Variants in INSL6 observed in about 807,000 individuals in gnomAD.
INSL6 encodes insulin like 6.
INSL6 carries 16 observed loss-of-function variants against 9.4 expected under a neutral mutation model. The observed-to-expected ratio is 1.70, with a 90% confidence interval of 1.15 to 2.59. The LOEUF is 2.59. Ranked by LOEUF, INSL6 falls within the 30% of genes most tolerant of loss-of-function variation. INSL6 has a pLI of 0.00. For missense variants in INSL6, 391 were observed against 257.3 expected (o/e 1.52, Z -3.56); for synonymous variants, 154 against 96.9 (o/e 1.59, Z -3.46).
chr9:5,159,374 A>T (rs921890926), downstream of INSL6, among the ~76,000 whole-genome samples: 1 of 151,950 alleles, frequency 6.6e-6, no homozygotes. Flanking sequence ...TTTTTTTTAA[A>T]AAAAGGATCG....
the INSL6 span, chr9:5,054,933 G>A: frequency 9.0e-6 from 12 of 1,335,116 alleles, no homozygotes; most frequent in Non-Finnish European, 3.1e-6. The surrounding 1 kb of genome is among the most constrained non-coding windows in gnomAD (Gnocchi z 4.9). Flanking sequence ...AAGTACAATG[G>A]AAATAAAAAC....
chr9:5,153,405 G>A (rs984134867), intron 2 of INSL6, among the ~76,000 whole-genome samples: 6 of 152,292 alleles, frequency 3.9e-5, no homozygotes, highest in African/African-American at 7.2e-5. Context: ...TCACCCTCAC[G>A]GTGTAAACAA....
chr9:5,119,977 A>C (rs1301591374), downstream of INSL6, among the ~76,000 whole-genome samples: 1 of 152,190 alleles, frequency 6.6e-6, no homozygotes, highest in Non-Finnish European at 1.5e-5. Context: ...TTGAATAATA[A>C]ACACTGTCTT....
At chr9:5,126,831 G>C in intron 3 of INSL6, 8 of 1,279,386 alleles carry the variant, frequency 6.3e-6, no homozygotes, top group Non-Finnish European at 9.0e-6. Context: ...TAGATTTACA[G>C]AACAAAGTTT....
the INSL6 span, among the ~76,000 whole-genome samples, chr9:5,084,691 A>C: frequency 6.6e-6 from 1 of 152,086 alleles, no homozygotes; most frequent in Non-Finnish European, 1.5e-5. Flanking sequence ...TTTTAAATTA[A>C]TTTTAACATG....
chr9:5,104,712 G>C, the INSL6 span, among the ~76,000 whole-genome samples: 2 of 152,126 alleles, frequency 1.3e-5, no homozygotes, highest in African/African-American at 4.8e-5. Flanking sequence ...TATCAACCAC[G>C]ATCAAGTCGG....
At chr9:5,093,182 C>T in the INSL6 span, among the ~76,000 whole-genome samples, 1 of 152,164 alleles carries the variant, frequency 6.6e-6, no homozygotes, top group Non-Finnish European at 1.5e-5. Context: ...AGATATTTTA[C>T]AATAAGCATC....
At chr9:5,107,124 C>G in the INSL6 span, among the ~76,000 whole-genome samples, 25 of 152,190 alleles carry the variant, frequency 1.6e-4, no homozygotes, top group African/African-American at 5.8e-4. Flanking sequence ...TATGACTATT[C>G]TTATATGTCT....
the INSL6 span, among the ~76,000 whole-genome samples, chr9:5,069,421 T>C: frequency 6.6e-6 from 1 of 152,158 alleles, no homozygotes; most frequent in African/African-American, 2.4e-5. Context: ...TATTCTAAAA[T>C]GAGATTTTAA....
the INSL6 span, chr9:5,078,490 G>T: frequency 4.7e-6 from 7 of 1,494,932 alleles, no homozygotes; most frequent in Non-Finnish European, 6.4e-6. Flanking sequence ...GCTTTACTTG[G>T]GCAGTGGTGT....
intron 1 of INSL6, among the ~76,000 whole-genome samples, chr9:5,176,669 A>G (rs1193963174): frequency 2.0e-5 from 3 of 152,052 alleles, no homozygotes; most frequent in Non-Finnish European, 4.4e-5. Flanking sequence ...CCTAATGGAG[A>G]TATTTAAATG....
At chr9:4,994,328 T>G in the INSL6 span, among the ~76,000 whole-genome samples, 2 of 152,186 alleles carry the variant, frequency 1.3e-5, no homozygotes, top group Non-Finnish European at 2.9e-5. Flanking sequence ...TAGAACTGTT[T>G]CCTAACCCAC....
the INSL6 span, among the ~76,000 whole-genome samples, chr9:5,073,360 T>G: frequency 0.01 from 1,530 of 152,310 alleles, 18 homozygotes; most frequent in African/African-American, 0.035. Context: ...CTACCTCAGT[T>G]TCCTATATCT....
the INSL6 span, chr9:5,112,701 AAG>A: frequency 1.1e-6 from 1 of 878,546 alleles, no homozygotes. Context: ...TTGGAGCAGC[AAG>A]TGCGAGAGCG....
chr9:5,046,796 A>G, the INSL6 span, among the ~76,000 whole-genome samples: 1 of 128,278 alleles, frequency 7.8e-6, no homozygotes, highest in Non-Finnish European at 1.5e-5. Flanking sequence ...CCTTTTGAAA[A>G]CAGGATATTA....
At chr9:5,054,991 G>T in the INSL6 span, 1 of 771,116 alleles carries the variant, frequency 1.3e-6, no homozygotes, top group Non-Finnish European at 2.0e-6. This position sits in a 1 kb window ranked among gnomAD's most constrained non-coding sequence, Gnocchi z 4.9. Context: ...TCTCCCATTT[G>T]ATAGAAGTGG....
At chr9:5,094,330 T>G in the INSL6 span, 1 of 152,326 alleles carries the variant, frequency 6.6e-6, no homozygotes, top group African/African-American at 2.4e-5. Flanking sequence ...CCTCCTCTTC[T>G]GGACTCCCCT....
At chr9:4,992,515 C>A in the INSL6 span, among the ~76,000 whole-genome samples, 1 of 152,086 alleles carries the variant, frequency 6.6e-6, no homozygotes, top group Non-Finnish European at 1.5e-5. Flanking sequence ...CATAGTTTGC[C>A]ATTTTGCCAA....
chr9:5,037,418 T>G, the INSL6 span, among the ~76,000 whole-genome samples: 1 of 152,220 alleles, frequency 6.6e-6, no homozygotes, highest in Non-Finnish European at 1.5e-5. Flanking sequence ...GTATGTTTAT[T>G]GCGGCACTAT....
Sources: allele counts gnomAD v4.1 joint callset (sites outside exome capture counted in the v4.1 genomes callset), GRCh38; gene constraint gnomAD v4.1.1; non-coding constraint Gnocchi (gnomAD v3.1); transcripts MANE v1.5; gene names NCBI Gene and HGNC (gene_info 2026-07-23, HGNC 2026-07-21).